The following HOMER2 variants were observed in gnomAD, a reference collection of about 807,000 sequenced individuals.
HOMER2 encodes the protein homer protein homolog 2.
Under a neutral mutation model 47.0 loss-of-function variants are expected in HOMER2, and 27 were observed. That is an observed-to-expected ratio of 0.57 (90% CI 0.42 to 0.79). The LOEUF (loss-of-function observed/expected upper bound fraction) is 0.79, where lower values mean the gene tolerates loss of function less well. Ranked by LOEUF, HOMER2 falls within the 30% of genes least tolerant of loss-of-function variation. The pLI, the probability that HOMER2 is intolerant of heterozygous loss-of-function variation, is 0.00. For missense variants in HOMER2, 443 were observed against 435.0 expected, an observed-to-expected ratio of 1.02 and a Z score of -0.16; for synonymous variants, 161 against 163.8, an observed-to-expected ratio of 0.98 and a Z score of 0.13.
chr15:82,846,631 T>C (rs2051253140), downstream of HOMER2: 1 of 152,202 alleles, frequency 6.6e-6, no homozygotes, highest in South Asian at 2.1e-4. Context: ...TTTCTCTGTC[T>C]CTACTTCCCA....
At chr15:82,928,940 T>TAAAAAAAAAAAAAAAAATA (rs2053927442) in intron 1 of HOMER2, among the ~76,000 whole-genome samples, 1 of 39,942 alleles carries the variant, frequency 2.5e-5, no homozygotes, top group Non-Finnish European at 4.0e-5. Context: ...AAATAAAAAC[T>TAAAAAAAAAAAAAAAAATA]AAAAAAAAAA....
chr15:82,865,989 C>G (rs1173767022), intron 3 of HOMER2, among the ~76,000 whole-genome samples: 7 of 152,202 alleles, frequency 4.6e-5, no homozygotes, highest in Admixed American at 6.5e-5. Flanking sequence ...CACAGAGTCC[C>G]TACTGGGGCA....
chr15:82,962,273 G>A (rs1167150858), intron 1 of HOMER2, among the ~76,000 whole-genome samples: 1 of 151,494 alleles, frequency 6.6e-6, no homozygotes, highest in African/African-American at 2.4e-5. Flanking sequence ...GCTGAGGCAG[G>A]AGAATGGCTC....
chr15:82,859,975 CG>C (rs1567018178), intron 4 of HOMER2, among the ~76,000 whole-genome samples: 1 of 152,062 alleles, frequency 6.6e-6, no homozygotes, highest in East Asian at 1.9e-4. Flanking sequence ...CGGCCGGGCG[CG>C]GTGGCTCACA....
chr15:82,852,547 A>C, intron 6 of HOMER2: 3 of 307,588 alleles, frequency 9.8e-6, no homozygotes, highest in Non-Finnish European at 1.2e-5. Flanking sequence ...GTTTCCTCTC[A>C]TGGCCGTGAA....
intron 2 of HOMER2, among the ~76,000 whole-genome samples, chr15:82,889,671 G>A (rs748353874): frequency 9.2e-5 from 14 of 152,154 alleles, no homozygotes; most frequent in South Asian, 2.1e-4. Flanking sequence ...GGGGCAAGCC[G>A]CGGGGGACCA....
intron 1 of HOMER2, among the ~76,000 whole-genome samples, chr15:82,893,556 C>T (rs933626386): frequency 6.6e-6 from 1 of 151,470 alleles, no homozygotes; most frequent in Non-Finnish European, 1.5e-5. Context: ...TGGTCTCGAA[C>T]TCCTGACCTT....
At chr15:82,923,094 T>C (rs2053772971) in intron 1 of HOMER2, among the ~76,000 whole-genome samples, 1 of 152,154 alleles carries the variant, frequency 6.6e-6, no homozygotes, top group Non-Finnish European at 1.5e-5. Flanking sequence ...AGGCTCATCT[T>C]TGGGTAGCTA....
downstream of HOMER2, among the ~76,000 whole-genome samples, chr15:82,836,520 G>A (rs1293604594): frequency 1.3e-5 from 2 of 152,220 alleles, no homozygotes; most frequent in African/African-American, 2.4e-5. Flanking sequence ...TTCATGTCCT[G>A]GCAAACCCAT....
chr15:82,972,669 C>CA (rs2030038015), intron 1 of HOMER2, among the ~76,000 whole-genome samples: 1 of 151,444 alleles, frequency 6.6e-6, no homozygotes, highest in Non-Finnish European at 1.5e-5. Flanking sequence ...GCAACGAGAG[C>CA]AAAACTCTGC....
At chr15:82,889,749 G>A (rs1417156861) in intron 2 of HOMER2, among the ~76,000 whole-genome samples, 1 of 152,160 alleles carries the variant, frequency 6.6e-6, no homozygotes, top group Non-Finnish European at 1.5e-5. Flanking sequence ...TGGAACAGCT[G>A]AAGGCACAGG....
chr15:82,951,642 C>G (rs983821264), intron 1 of HOMER2, among the ~76,000 whole-genome samples: 10 of 152,242 alleles, frequency 6.6e-5, no homozygotes, highest in African/African-American at 2.4e-4. Flanking sequence ...TTCACTTACC[C>G]GCCTCCATGC....
chr15:82,953,559 G>A (rs997360880), upstream of HOMER2, among the ~76,000 whole-genome samples: 2 of 152,098 alleles, frequency 1.3e-5, no homozygotes, highest in Non-Finnish European at 2.9e-5. Context: ...ACATAAGCCT[G>A]GCATCTCAGG....
chr15:82,897,154 C>T (rs1297324412), intron 1 of HOMER2, among the ~76,000 whole-genome samples: 1 of 150,604 alleles, frequency 6.6e-6, no homozygotes, highest in African/African-American at 2.4e-5. Context: ...GCAACCTCCA[C>T]CTCCTGGGTT....
intron 1 of HOMER2, among the ~76,000 whole-genome samples, chr15:82,945,903 G>A (rs554668554): frequency 6.6e-6 from 1 of 152,190 alleles, no homozygotes; most frequent in South Asian, 2.1e-4. Context: ...CCAAGAGGCG[G>A]AGGTTGCAGT....
In HOMER2 at chr15:82,913,459, A is replaced by C. The variant is rs12441914; in HGVS notation, c.6-20618T>G. Among the ~76,000 whole-genome samples, 1 of 151,854 alleles carries C rather than the reference A, an allele frequency of 6.6e-6. No homozygotes were observed. The highest frequency in any genetic ancestry group is 6.6e-5 in the Admixed American group (1 of 15,266). Reference sequence around the variant, plus strand: ...ATGCAGTTCCTAACCAATGGTGCCTACCAGCAGAGCCTGAGAGTCTGACCT... The same window carrying C: ...ATGCAGTTCCTAACCAATGGTGCCTCCCAGCAGAGCCTGAGAGTCTGACCT... On this transcript the variant is annotated intron_variant, in intron 1 of 8. Transcript: ENST00000450735. This position sits in a 1 kb window ranked among gnomAD's most constrained non-coding sequence, Gnocchi z 4.1.
chr15:82,879,580 T>C (rs1045777812), intron 2 of HOMER2, among the ~76,000 whole-genome samples: 7 of 152,202 alleles, frequency 4.6e-5, no homozygotes, highest in African/African-American at 1.7e-4. Flanking sequence ...CTGCATACCT[T>C]AATTTTAAAA....
chr15:82,976,285 C>CTATT lies in HOMER2; in HGVS notation n.82+9498_82+9501dup, dbSNP rs543419840. ...CTGCATCCCATTAGATTATCATGCA[C>CTATT]TATTTATTTATTTATTTATTTATTT... On this transcript the variant is annotated intron_variant and non_coding_transcript_variant, in intron 1 of 1. Coordinates refer to the HOMER2 transcript ENST00000500334. Among the ~76,000 whole-genome samples, 518 of 151,658 alleles carry CTATT rather than the reference C, an allele frequency of 3.4e-3. 1 individual carries two copies. Among genetic ancestry groups the CTATT allele is most frequent in the Middle Eastern group, 0.014 (4 of 292 alleles).
At chr15:82,892,459 C>T (rs905399075) in intron 2 of HOMER2, among the ~76,000 whole-genome samples, 1 of 152,052 alleles carries the variant, frequency 6.6e-6, no homozygotes, top group Non-Finnish European at 1.5e-5. Flanking sequence ...CATTATAGGC[C>T]GTCGGCAGAA....
Sources: gnomAD v4.1 joint callset for allele counts (sites outside exome capture counted in the v4.1 genomes callset) on GRCh38, gnomAD v4.1.1 for gene constraint, Gnocchi (gnomAD v3.1) non-coding constraint, MANE v1.5 for transcripts, NCBI Gene and HGNC (gene_info 2026-07-23, HGNC 2026-07-21) for gene names.